LRRC37A2: variants seen among roughly 807,000 people sequenced by gnomAD.
The protein encoded by LRRC37A2 is leucine rich repeat containing 37 member A2.
A neutral mutation model predicts 68.8 loss-of-function variants in LRRC37A2; 9 were observed. The observed-to-expected ratio is 0.13, with a 90% confidence interval of 0.08 to 0.23. The LOEUF (loss-of-function observed/expected upper bound fraction) is 0.23, where lower values mean the gene tolerates loss of function less well. LRRC37A2 is among the 10% of genes least tolerant of loss of function. The probability of loss-of-function intolerance (pLI) is 1.00; values close to 1 mark genes in which losing one functional copy is unlikely to be tolerated. For missense variants in LRRC37A2, 168 were observed against 950.4 expected (o/e 0.18, Z 10.82); for synonymous variants, 63 against 367.6 (o/e 0.17, Z 9.48).
the LRRC37A2 span, chr17:46,930,786 AG>A: frequency 7.6e-6 from 2 of 264,122 alleles, no homozygotes; most frequent in African/African-American, 2.3e-5. Flanking sequence ...TTTAGCTTAA[AG>A]TATTTATTTG....
the LRRC37A2 span, among the ~76,000 whole-genome samples, chr17:47,038,471 C>T: frequency 1.3e-5 from 2 of 151,634 alleles, no homozygotes; most frequent in Admixed American, 6.6e-5. Context: ...TTTAGTTATC[C>T]GAGTGTGGTG....
the LRRC37A2 span, among the ~76,000 whole-genome samples, chr17:46,957,838 C>T: frequency 6.6e-6 from 1 of 152,164 alleles, no homozygotes; most frequent in Admixed American, 6.5e-5. Flanking sequence ...GCTAATGATC[C>T]AGACATCTCC....
At chr17:46,635,940 T>G in the LRRC37A2 span, among the ~76,000 whole-genome samples, 10 of 87,276 alleles carry the variant, frequency 1.1e-4, no homozygotes, top group Middle Eastern at 6.8e-3. Context: ...GGTAGCCTAC[T>G]CTACTCTTTC....
At chr17:46,737,868 G>A in the LRRC37A2 span, among the ~76,000 whole-genome samples, 1 of 151,688 alleles carries the variant, frequency 6.6e-6, no homozygotes, top group Admixed American at 6.6e-5. Flanking sequence ...CTGCAGCAAT[G>A]GAGAGAGAAG....
the LRRC37A2 span, among the ~76,000 whole-genome samples, chr17:46,910,341 A>G: frequency 1.3e-5 from 2 of 152,090 alleles, no homozygotes; most frequent in African/African-American, 4.8e-5. Flanking sequence ...CCTGCCAAAA[A>G]CAACCTCCGC....
the LRRC37A2 span, among the ~76,000 whole-genome samples, chr17:46,853,905 G>C: frequency 1.3e-5 from 2 of 152,188 alleles, no homozygotes; most frequent in East Asian, 1.9e-4. Context: ...GGAAGGGAAA[G>C]GTGTTCTCAG....
At chr17:46,888,347 C>T in the LRRC37A2 span, among the ~76,000 whole-genome samples, 1 of 152,028 alleles carries the variant, frequency 6.6e-6, no homozygotes, top group Non-Finnish European at 1.5e-5. Flanking sequence ...AAAAGTGTCC[C>T]CAGAAAGTGC....
downstream of LRRC37A2, among the ~76,000 whole-genome samples, chr17:46,558,376 G>T (rs1355519042): frequency 2.3e-4 from 25 of 106,838 alleles, 2 homozygotes; most frequent in East Asian, 1.4e-3. Flanking sequence ...GGGTTTTGGG[G>T]TTTTTTTTGT....
the LRRC37A2 span, among the ~76,000 whole-genome samples, chr17:46,877,604 G>A: frequency 6.6e-6 from 1 of 152,154 alleles, no homozygotes. Flanking sequence ...CAGAGGAGGA[G>A]GGCAACAGCT....
At chr17:46,998,502 G>A in the LRRC37A2 span, among the ~76,000 whole-genome samples, 2 of 152,196 alleles carry the variant, frequency 1.3e-5, no homozygotes, top group African/African-American at 4.8e-5. Context: ...TATAAAATGG[G>A]CAGAAGAGTG....
At chr17:46,836,095 C>CGTACGTGTGTGT in the LRRC37A2 span, among the ~76,000 whole-genome samples, 5 of 126,500 alleles carry the variant, frequency 4.0e-5, no homozygotes, top group African/African-American at 1.6e-4. Context: ...GAGACGCTGA[C>CGTACGTGTGTGT]GTGTGTGTGT....
the LRRC37A2 span, among the ~76,000 whole-genome samples, chr17:46,492,272 C>G: frequency 6.6e-6 from 1 of 151,112 alleles, no homozygotes; most frequent in African/African-American, 2.5e-5. Context: ...GCCCGTTTGA[C>G]TTTTAAATAG....
At chr17:46,831,852 C>G in the LRRC37A2 span, among the ~76,000 whole-genome samples, 1 of 152,238 alleles carries the variant, frequency 6.6e-6, no homozygotes, top group African/African-American at 2.4e-5. Context: ...TTCTTTGGGT[C>G]CTGTATGCAT....
At chr17:46,850,050 A>G in the LRRC37A2 span, among the ~76,000 whole-genome samples, 1 of 152,134 alleles carries the variant, frequency 6.6e-6, no homozygotes, top group Admixed American at 6.5e-5. Context: ...GGGTTTTGCC[A>G]TGTTGGCCAG....
chr17:47,013,428 C>T, the LRRC37A2 span, among the ~76,000 whole-genome samples: 5 of 152,184 alleles, frequency 3.3e-5, no homozygotes, highest in Non-Finnish European at 5.9e-5. Context: ...TGAGCTAGCT[C>T]TTGTGTCCAT....
the LRRC37A2 span, among the ~76,000 whole-genome samples, chr17:46,912,553 G>A: frequency 6.6e-6 from 1 of 152,174 alleles, no homozygotes; most frequent in African/African-American, 2.4e-5. Flanking sequence ...TCTCTAGGGA[G>A]GACAACTTCC....
the LRRC37A2 span, among the ~76,000 whole-genome samples, chr17:46,799,291 C>T: frequency 2.0e-5 from 3 of 152,054 alleles, no homozygotes; most frequent in Non-Finnish European, 2.9e-5. Context: ...TGTGGGATTC[C>T]CTGAAGCCAG....
chr17:46,790,211 C>T, the LRRC37A2 span, among the ~76,000 whole-genome samples: 1 of 152,190 alleles, frequency 6.6e-6, no homozygotes, highest in African/African-American at 2.4e-5. Context: ...CCTCTCCTTG[C>T]AACAGGCGCC....
At chr17:46,958,239 G>A in the LRRC37A2 span, among the ~76,000 whole-genome samples, 7 of 152,192 alleles carry the variant, frequency 4.6e-5, no homozygotes, top group Non-Finnish European at 7.3e-5. Flanking sequence ...AAGTGGAGCC[G>A]TCAACCTTCA....
Sources: gnomAD v4.1 joint callset for allele counts (sites outside exome capture counted in the v4.1 genomes callset) on GRCh38, gnomAD v4.1.1 for gene constraint, MANE v1.5 for transcripts, NCBI Gene and HGNC (gene_info 2026-07-23, HGNC 2026-07-21) for gene names.